Variants in CEP72 observed in about 807,000 individuals in gnomAD.
CEP72 encodes the protein centrosomal protein 72, also known as centrosomal protein of 72 kDa.
In CEP72, 78 loss-of-function variants were observed where a neutral mutation model predicts 65.7. The observed-to-expected ratio is 1.19, with a 90% CI of 0.99 to 1.43. The LOEUF is 1.43. CEP72 is among the 40% of genes most tolerant of loss of function. The probability of loss-of-function intolerance (pLI) is 0.00; values close to 1 mark genes in which losing one functional copy is unlikely to be tolerated. For synonymous variants in CEP72, 358 were observed against 351.7 expected, an observed-to-expected ratio of 1.02 and a Z score of -0.20; for missense variants, 914 against 832.9, an observed-to-expected ratio of 1.10 and a Z score of -1.20.
exon 5 of CEP72, chr5:666,914 A>G (rs964494582): frequency 1.3e-5 from 2 of 151,980 alleles, no homozygotes; most frequent in African/African-American, 2.4e-5. Context: ...AAAACAAGAG[A>G]TCCTGTGGAT....
At chr5:649,507 CTG>C (rs1325068475) in intron 11 of CEP72, among the ~76,000 whole-genome samples, 3 of 75,826 alleles carry the variant, frequency 4.0e-5, no homozygotes, top group African/African-American at 1.1e-4. Flanking sequence ...TGAGGTGTGA[CTG>C]TGAGGTGTGA....
chr5:642,964 T>C, intron 9 of CEP72: 2 of 985,462 alleles, frequency 2.0e-6, no homozygotes, highest in Non-Finnish European at 2.4e-6. Flanking sequence ...TTCCAGCTGC[T>C]GTGCCTGGCA....
chr5:623,396 G>A lies in CEP72; in HGVS notation c.404-1075G>A, dbSNP rs1736526509. Among the ~76,000 whole-genome samples the A allele has an allele frequency of 6.6e-6, 1 of 152,218 alleles. No individual in the cohort carries two copies. Among genetic ancestry groups the A allele is most frequent in the Non-Finnish European group, 1.5e-5 (1 of 68,034 alleles). On this transcript the variant is annotated intron_variant, in intron 3 of 11. Coordinates refer to ENST00000264935, the MANE Select transcript of CEP72 (RefSeq NM_018140.4). This position sits in a 1 kb window ranked among gnomAD's most constrained non-coding sequence, Gnocchi z 5.3. Reference sequence around the variant, plus strand: ...TGGGTCATGGAAAGGCCCCGGTGGTGGAGGAGGCAGATAGCAAGGGCCTGC... The same window carrying A: ...TGGGTCATGGAAAGGCCCCGGTGGTAGAGGAGGCAGATAGCAAGGGCCTGC...
downstream of CEP72, among the ~76,000 whole-genome samples, chr5:667,644 A>G (rs1739976524): frequency 1.3e-5 from 2 of 152,214 alleles, no homozygotes; most frequent in South Asian, 2.1e-4. Context: ...ACTAGGAGAC[A>G]TGCCTGAGAA....
downstream of CEP72, among the ~76,000 whole-genome samples, chr5:669,463 G>A (rs1197009235): frequency 1.3e-5 from 2 of 152,152 alleles, no homozygotes; most frequent in Non-Finnish European, 2.9e-5. Flanking sequence ...GGCCCTGTGG[G>A]GGTGTTGACT....
chr5:662,555 G>A (rs1381676900), intron 1 of CEP72: 1 of 152,476 alleles, frequency 6.6e-6, no homozygotes, highest in Non-Finnish European at 1.5e-5. Context: ...CTCAGCTCCA[G>A]GGCGAGGTCC....
intron 3 of CEP72, among the ~76,000 whole-genome samples, chr5:620,644 A>T (rs919419534): frequency 6.6e-6 from 1 of 152,214 alleles, no homozygotes; most frequent in African/African-American, 2.4e-5. Flanking sequence ...AAACAGCAGG[A>T]TGCTGCCTGG....
At chr5:650,237 AGGCGTG>A (rs1738902986) in intron 11 of CEP72, among the ~76,000 whole-genome samples, 3 of 84,962 alleles carry the variant, frequency 3.5e-5, no homozygotes, top group African/African-American at 1.7e-4. Context: ...GTGGACTGTG[AGGCGTG>A]GACTGTGAGG....
rs1196901238 is a variant in CEP72, at chr5:623,948, A to G, written c.404-523A>G. Among the ~76,000 whole-genome samples, 1 of 152,140 alleles carries G rather than the reference A, an allele frequency of 6.6e-6. No homozygotes were observed. The highest frequency in any genetic ancestry group is 1.5e-5 in the Non-Finnish European group (1 of 68,028). On this transcript the variant is annotated intron_variant, in intron 3 of 11. Coordinates refer to ENST00000264935, the MANE Select transcript of CEP72 (RefSeq NM_018140.4). This position sits in a 1 kb window ranked among gnomAD's most constrained non-coding sequence, Gnocchi z 5.3. ...GGGTTAAGATGTGTTGTAAGTTCCAAAGCGCCAAGGTTGAAGGCCTGGGGA... is the reference window on the plus strand; with the variant it reads ...GGGTTAAGATGTGTTGTAAGTTCCAGAGCGCCAAGGTTGAAGGCCTGGGGA...
intron 11 of CEP72, among the ~76,000 whole-genome samples, chr5:652,161 G>A (rs901508502): frequency 2.0e-5 from 3 of 152,204 alleles, no homozygotes; most frequent in Non-Finnish European, 4.4e-5. Context: ...GGCAGGTCAA[G>A]GTACAGTTGG....
chr5:646,555 G>A (rs188116357), intron 10 of CEP72, among the ~76,000 whole-genome samples: 1 of 152,186 alleles, frequency 6.6e-6, no homozygotes, highest in African/African-American at 2.4e-5. Context: ...CTCTGATGCC[G>A]TCATCCTGGT....
In CEP72 at chr5:639,330, A is replaced by G. The variant is rs1455860795; in HGVS notation, c.1342+106A>G. On this transcript the variant is annotated intron_variant, in intron 8 of 11. Transcript: ENST00000264935. Reference sequence around the variant, plus strand: ...GAGTCATCTCAGCCCCAGGTCTCCTATGTCCCCTCCCACGAGCGTGTGGTG... The same window carrying G: ...GAGTCATCTCAGCCCCAGGTCTCCTGTGTCCCCTCCCACGAGCGTGTGGTG... The G allele has an allele frequency of 9.1e-6, 12 of 1,323,926 alleles. No individual in the cohort carries two copies. In the Admixed American group the frequency reaches 9.5e-5, roughly 10 times the overall value. 82.0% of individuals were successfully genotyped at this position (1,323,926 alleles called of 1,614,324 possible).
chr5:613,658 A>G (rs1028604149), intron 1 of CEP72, among the ~76,000 whole-genome samples: 2 of 152,138 alleles, frequency 1.3e-5, no homozygotes, highest in Admixed American at 1.3e-4. Flanking sequence ...TGAGCCACCT[A>G]CACCCAGCCT....
the CEP72 span, among the ~76,000 whole-genome samples, chr5:673,942 C>T: frequency 3.3e-5 from 5 of 152,228 alleles, no homozygotes; most frequent in Non-Finnish European, 5.9e-5. Context: ...TGTGTGCAGG[C>T]GTGTGTGTGC....
intron 1 of CEP72, among the ~76,000 whole-genome samples, chr5:613,391 G>T (rs1435603639): frequency 6.6e-6 from 1 of 150,876 alleles, no homozygotes; most frequent in Non-Finnish European, 1.5e-5. Flanking sequence ...TTTTTTTTTA[G>T]ACGGAGTCTC....
Position 615,134 on chromosome 5 carries a change from C to CTTTTTTTT in CEP72, c.82+2702_82+2709dup, listed in dbSNP as rs373343998. On this transcript the variant is annotated intron_variant, in intron 1 of 11. Coordinates refer to ENST00000264935, the MANE Select transcript of CEP72 (RefSeq NM_018140.4). Reference sequence around the variant, plus strand: ...CCCTTTTAGTATATGTAGTCTTCCTCTTTTTTTTTTTTTTTTTTGAGACAG... The same window carrying CTTTTTTTT: ...CCCTTTTAGTATATGTAGTCTTCCTCTTTTTTTTTTTTTTTTTTTTTTTTTTGAGACAG... Among the ~76,000 whole-genome samples, 3 of 120,336 alleles carry CTTTTTTTT rather than the reference C, an allele frequency of 2.5e-5. 1 individual carries two copies. The highest frequency in any genetic ancestry group is 8.9e-5 in the Admixed American group (1 of 11,176). 78.9% of individuals were successfully genotyped at this position (120,336 alleles called of 152,430 possible).
chr5:648,849 TGTG>T, intron 11 of CEP72, among the ~76,000 whole-genome samples: 1 of 21,304 alleles, frequency 4.7e-5, no homozygotes, highest in Non-Finnish European at 9.1e-5. Flanking sequence ...AGGTGTGGAC[TGTG>T]AGGTGTGACT....
chr5:665,369 C>T, intron 3 of CEP72: 1 of 1,452,216 alleles, frequency 6.9e-7, no homozygotes, highest in Non-Finnish European at 9.3e-7. Flanking sequence ...AATGGCTGTG[C>T]CCTGGGCAGG....
At chr5:634,560 G>A (rs1275192219) in intron 5 of CEP72, among the ~76,000 whole-genome samples, 2 of 152,212 alleles carry the variant, frequency 1.3e-5, no homozygotes, top group Non-Finnish European at 2.9e-5. Context: ...TGTCCTTGCC[G>A]GCACTGGGAG....
Sources: allele counts gnomAD v4.1 joint callset (sites outside exome capture counted in the v4.1 genomes callset), GRCh38; gene constraint gnomAD v4.1.1; non-coding constraint Gnocchi (gnomAD v3.1); transcripts MANE v1.5; gene names NCBI Gene and HGNC (gene_info 2026-07-23, HGNC 2026-07-21).